Variants in SLC16A6 observed in about 807,000 individuals in gnomAD.
SLC16A6 encodes monocarboxylate transporter 7.
In SLC16A6, 15 loss-of-function variants were observed where a neutral mutation model predicts 33.8. The observed-to-expected ratio is 0.44, with a 90% confidence interval of 0.30 to 0.68. The LOEUF is 0.68. Ranked by LOEUF, SLC16A6 falls within the 30% of genes least tolerant of loss-of-function variation. SLC16A6 has a pLI of 0.10. For missense variants in SLC16A6, 451 were observed against 661.5 expected (o/e 0.68, Z 3.49); for synonymous variants, 219 against 248.4 (o/e 0.88, Z 1.11).
chr17:68,287,159 T>C (rs2075860034), intron 1 of SLC16A6, among the ~76,000 whole-genome samples: 1 of 152,138 alleles, frequency 6.6e-6, no homozygotes, highest in Non-Finnish European at 1.5e-5. Context: ...AATTTTGTTT[T>C]AGTAGAGATG....
At chr17:68,281,468 G>A (rs568208418) in intron 1 of SLC16A6, among the ~76,000 whole-genome samples, 4 of 152,090 alleles carry the variant, frequency 2.6e-5, no homozygotes, top group Non-Finnish European at 4.4e-5. Flanking sequence ...CCAGCTACTC[G>A]CGAGGCTGAG....
chr17:68,281,573 C>CAAATAAAT (rs549607371), intron 1 of SLC16A6, among the ~76,000 whole-genome samples: 1 of 151,750 alleles, frequency 6.6e-6, no homozygotes, highest in East Asian at 1.9e-4. Flanking sequence ...GACTCTGTCT[C>CAAATAAAT]AAATAAATAA....
At position 68,268,818 on chromosome 17, in the gene SLC16A6, A is replaced by C. The variant is rs2075234180; in HGVS notation, c.*278T>G. ...TGTGAACCAAAGAGTCTTTCTACAT[A>C]TCTCTTGTATTGCTACTGAATACAG... On this transcript the variant is annotated 3_prime_UTR_variant, in exon 6 of 6. Coordinates refer to ENST00000580666, the MANE Select transcript of SLC16A6 (RefSeq NM_004694.5). 2 of 432,982 alleles carry C rather than the reference A, an allele frequency of 4.6e-6. No homozygotes were observed. Among genetic ancestry groups the C allele is most frequent in the Non-Finnish European group, 8.0e-6 (2 of 249,682 alleles). 26.8% of individuals were successfully genotyped at this position (432,982 alleles called of 1,614,324 possible). A position where few individuals can be genotyped will look rare whatever the true frequency, so the allele number is the denominator to read the frequency against.
At chr17:68,272,001 CTG>C (rs2075357376) in intron 4 of SLC16A6, among the ~76,000 whole-genome samples, 1 of 152,174 alleles carries the variant, frequency 6.6e-6, no homozygotes, top group South Asian at 2.1e-4. Context: ...CAGGGTTTCA[CTG>C]TGTTGGCCAG....
rs1003237503 is a variant in SLC16A6, at chr17:68,288,538, C to A, written c.-8+2548G>T. On this transcript the variant is annotated intron_variant, in intron 1 of 5. Coordinates refer to ENST00000580666, the MANE Select transcript of SLC16A6 (RefSeq NM_004694.5). ...AGGCGAGCTGAGTCATCCTGCCCAT[C>A]AACCCCTGCTTTACGGATGATGGAA... Among the ~76,000 whole-genome samples the A allele has an allele frequency of 5.3e-5, 8 of 152,312 alleles. No individual in the cohort carries two copies. The East Asian group carries it at 1.5e-3, about 29-fold the overall frequency.
chr17:68,283,798 A>C (rs2075774772), intron 1 of SLC16A6, among the ~76,000 whole-genome samples: 1 of 149,602 alleles, frequency 6.7e-6, no homozygotes, highest in Non-Finnish European at 1.5e-5. Flanking sequence ...GAATCACTTG[A>C]ACCTGGAAGG....
chr17:68,289,548 A>G (rs58175454), intron 1 of SLC16A6, among the ~76,000 whole-genome samples: 28,567 of 152,180 alleles, frequency 0.19, 2,744 homozygotes, highest in Middle Eastern at 0.27. Flanking sequence ...CTTCTTCTTA[A>G]AGGCGTAGCC....
chr17:68,271,159 G>A lies in SLC16A6; in HGVS notation c.1001C>T (p.Ser334Phe). Residue 334 changes from serine (S) to phenylalanine (F), a missense_variant, in exon 5 of 6, where the codon TCT (serine) becomes TTT (phenylalanine). Ser to Phe is a radical substitution (Grantham distance 155, BLOSUM62 -2). Around this residue, in one of 2 missense-constraint regions of SLC16A6, gnomAD observed 405 missense variants for 510.7 expected, o/e 0.79. Coordinates refer to ENST00000580666, the MANE Select transcript of SLC16A6 (RefSeq NM_004694.5). This position sits in a 1 kb window ranked among gnomAD's most constrained non-coding sequence, Gnocchi z 5.3. ...GAAAACTTCTGCAATGGCCATCGTA[G>A]ATAATAAAAAAGCAGCGCGGTCCTG... ...IDQDRAAFLL[S>F]TMAIAEVFGR... 6.2e-7 allele frequency: 1 copy of A among 1,614,108 alleles called. No individual in the cohort carries two copies. Among genetic ancestry groups the A allele is most frequent in the East Asian group, 2.2e-5 (1 of 44,890 alleles).
chr17:68,278,388 T>C, intron 1 of SLC16A6, 61 bp from the exon 2 acceptor site: 2 of 1,066,758 alleles, frequency 1.9e-6, no homozygotes, highest in Non-Finnish European at 2.8e-6. Context: ...ATGATTCTCA[T>C]ACTCTTAAGC....
At chr17:68,291,173 AT>A (rs1304095936), upstream of SLC16A6, 1 of 151,884 alleles carries the variant, frequency 6.6e-6, no homozygotes, top group Non-Finnish European at 1.5e-5. Flanking sequence ...GCTCGGTAAC[AT>A]GAGAAAAGGA....
chr17:68,281,052 G>T (rs1333345948), intron 1 of SLC16A6, among the ~76,000 whole-genome samples: 1 of 151,736 alleles, frequency 6.6e-6, no homozygotes, highest in East Asian at 1.9e-4. Flanking sequence ...CTTGAATCCA[G>T]GAGGTGGAGG....
chr17:68,283,897 A>C (rs2075779003), intron 1 of SLC16A6, among the ~76,000 whole-genome samples: 1 of 150,270 alleles, frequency 6.7e-6, no homozygotes, highest in Non-Finnish European at 1.5e-5. Context: ...AAAAAAAAAA[A>C]GACCAGCCTG....
intron 1 of SLC16A6, among the ~76,000 whole-genome samples, chr17:68,279,958 G>T (rs1208828383): frequency 1.3e-5 from 2 of 152,088 alleles, no homozygotes; most frequent in African/African-American, 4.8e-5. Flanking sequence ...AAAGCGGGTG[G>T]ATCACCTGAG....
intron 2 of SLC16A6, among the ~76,000 whole-genome samples, chr17:68,276,711 C>A (rs1409871765): frequency 6.6e-6 from 1 of 152,130 alleles, no homozygotes; most frequent in African/African-American, 2.4e-5. Context: ...ATCTTGGCCT[C>A]CCAGAGTGCT....
Position 68,274,078 on chromosome 17 carries a change from GA to G in SLC16A6, c.233-9del, listed in dbSNP as rs2075432429. On this transcript the variant is annotated splice_polypyrimidine_tract_variant and intron_variant, in intron 2 of 5. Transcript: ENST00000580666. ...GGACTGTGGCGAGGGGAGCTGCCGG[GA>G]AAGAACAAAACGATATTTTAACTCA... 2 of 1,611,048 alleles carry G rather than the reference GA, an allele frequency of 1.2e-6. No individual in the cohort carries two copies. Among genetic ancestry groups the G allele is most frequent in the South Asian group, 2.2e-5 (2 of 91,000 alleles).
chr17:68,273,810 T>C, intron 3 of SLC16A6, 117 bp downstream of exon 3: 1 of 1,254,618 alleles, frequency 8.0e-7, no homozygotes, highest in Non-Finnish European at 1.1e-6. Flanking sequence ...ACACTGTTAA[T>C]GTTAAAGAAA....
chr17:68,291,303 C>G (rs1434379811), upstream of SLC16A6: 1 of 146,466 alleles, frequency 6.8e-6, no homozygotes, highest in African/African-American at 2.5e-5. Context: ...ACCCTCCCCC[C>G]GCCCCCCACC....
intron 1 of SLC16A6, among the ~76,000 whole-genome samples, chr17:68,284,924 C>T (rs2075807114): frequency 6.6e-6 from 1 of 152,070 alleles, no homozygotes; most frequent in Admixed American, 6.6e-5. Context: ...TTTGTACAAC[C>T]CCATGTCCCC....
chr17:68,278,443 A>G (rs1354738163), intron 1 of SLC16A6, 116 bp from the exon 2 acceptor site: 2 of 638,040 alleles, frequency 3.1e-6, no homozygotes, highest in Non-Finnish European at 5.4e-6. Context: ...AAGTTGTTGA[A>G]TATTTATTTA....
Sources: gnomAD v4.1 joint callset for allele counts (sites outside exome capture counted in the v4.1 genomes callset) on GRCh38, gnomAD v4.1.1 for gene constraint, gnomAD v4.1.1 regional missense constraint, Gnocchi (gnomAD v3.1) non-coding constraint, MANE v1.5 for transcripts, NCBI Gene and HGNC (gene_info 2026-07-23, HGNC 2026-07-21) for gene names.